COL9A1: variants seen among roughly 807,000 people sequenced by gnomAD.
The protein encoded by COL9A1 is collagen alpha-1(IX) chain.
Under a neutral mutation model 142.6 loss-of-function variants are expected in COL9A1, and 104 were observed. The ratio of observed to expected loss-of-function variants is 0.73; its 90% CI spans 0.62 to 0.86. COL9A1 has a LOEUF of 0.86. Among genes scored for constraint, COL9A1 ranks in the 40% least tolerant of loss-of-function variants. The pLI is 0.00. For synonymous variants in COL9A1, 466 were observed against 396.0 expected, an observed-to-expected ratio of 1.18 and a Z score of -2.10; for missense variants, 1,210 against 1,176.6, an observed-to-expected ratio of 1.03 and a Z score of -0.42.
At chr6:70,293,642 CA>C (rs1773737481) in intron 5 of COL9A1, among the ~76,000 whole-genome samples, 1 of 142,404 alleles carries the variant, frequency 7.0e-6, no homozygotes, top group African/African-American at 2.9e-5. Context: ...CACACACACA[CA>C]CACACACACA....
intron 20 of COL9A1, among the ~76,000 whole-genome samples, chr6:70,259,745 A>T (rs1214722539): frequency 1.3e-5 from 2 of 152,024 alleles, no homozygotes; most frequent in East Asian, 3.9e-4. Context: ...CTAACTACTT[A>T]TTTGTCTTGC....
intron 28 of COL9A1, among the ~76,000 whole-genome samples, chr6:70,244,902 C>A (rs1184165943): frequency 6.6e-6 from 1 of 152,146 alleles, no homozygotes; most frequent in Non-Finnish European, 1.5e-5. Flanking sequence ...GCTCAGAGAC[C>A]CACATACACA....
intron 5 of COL9A1, among the ~76,000 whole-genome samples, chr6:70,290,469 A>C (rs2127603074): frequency 6.6e-6 from 1 of 152,290 alleles, no homozygotes; most frequent in East Asian, 1.9e-4. Context: ...CCCACTAAGT[A>C]ACCATGAATG....
In COL9A1 at chr6:70,254,524, T is replaced by C; in HGVS notation, c.1671A>G (p.Glu557=). Residue 557 remains glutamate, a synonymous_variant, in exon 25 of 38, where the codon GAA becomes GAG. Coordinates refer to ENST00000357250, the MANE Select transcript of COL9A1 (RefSeq NM_001851.6). ...CACCAGGAGGCCCAGGTTTTCCTGG[T>C]TCACCCTGCAAAAAAAGCTTTTATC... The part of the protein sequence containing the change: ...GIPGMPGTKG[E]PGKPGPPGDA... The C allele has an allele frequency of 6.2e-7, 1 of 1,614,068 alleles. No individual in the cohort carries two copies. The highest frequency in any genetic ancestry group is 8.5e-7 in the Non-Finnish European group (1 of 1,179,974).
chr6:70,238,131 G>T (rs1770028966), intron 33 of COL9A1, among the ~76,000 whole-genome samples: 1 of 152,126 alleles, frequency 6.6e-6, no homozygotes, highest in African/African-American at 2.4e-5. Flanking sequence ...ATACACAGTG[G>T]GTTTTATTTT....
In COL9A1 at chr6:70,270,320, TCCTGGGGGG is replaced by T. The variant is rs757163222; in HGVS notation, c.1182_1190del (p.Pro396_Pro398del). On this transcript the variant is annotated inframe_deletion, in exon 15 of 38. Transcript: ENST00000357250. ...CAAGCTGCAAATAACTTACTCTGGG[TCCTGGGGGG>T]CCAGGGGGGCCAGGTGGTCCTCTTC... 11 of 1,613,752 alleles carry T rather than the reference TCCTGGGGGG, an allele frequency of 6.8e-6. No homozygotes were observed. The highest frequency in any genetic ancestry group is 6.7e-5 in the African/African-American group (5 of 74,912).
intron 28 of COL9A1, among the ~76,000 whole-genome samples, chr6:70,246,836 G>T (rs971058455): frequency 2.6e-5 from 4 of 152,170 alleles, no homozygotes; most frequent in Non-Finnish European, 5.9e-5. Flanking sequence ...CCAGTGGCCT[G>T]GTCTGAAGCT....
chr6:70,278,953 G>T (rs1034164954), intron 10 of COL9A1, among the ~76,000 whole-genome samples: 5 of 152,194 alleles, frequency 3.3e-5, no homozygotes, highest in African/African-American at 1.2e-4. Flanking sequence ...TTGGGGGACA[G>T]ATAAGTCCAG....
Position 70,294,167 on chromosome 6 carries a change from T to G in COL9A1, c.696A>C (p.Pro232=). ...CCATAGTGTGTGGTTTTATACTTACTGGAACAGAAACTTGAGGATTATCTG... is the reference window on the plus strand; with the variant it reads ...CCATAGTGTGTGGTTTTATACTTACGGGAACAGAAACTTGAGGATTATCTG... ...KLADNPQVSV[P]FELQWMLIHC... is the part of the protein sequence containing the mutation. The change falls in exon 5 of 38, where the codon CCA becomes CCC. Residue 232 remains proline, a splice_region_variant and synonymous_variant. Coordinates refer to ENST00000357250, the MANE Select transcript of COL9A1 (RefSeq NM_001851.6). The G allele has an allele frequency of 6.2e-7, 1 of 1,614,020 alleles. No homozygotes were observed. The highest frequency in any genetic ancestry group is 8.5e-7 in the Non-Finnish European group (1 of 1,179,894).
At chr6:70,290,899 T>TAA (rs1773634084) in intron 5 of COL9A1, among the ~76,000 whole-genome samples, 1 of 152,160 alleles carries the variant, frequency 6.6e-6, no homozygotes. Context: ...TTATGCTATT[T>TAA]CATTTTCATT....
intron 37 of COL9A1, among the ~76,000 whole-genome samples, chr6:70,221,459 G>A (rs1299296906): frequency 6.6e-6 from 1 of 152,168 alleles, no homozygotes; most frequent in East Asian, 1.9e-4. Context: ...CTGCAGCAAT[G>A]GAAATGGAAA....
At chr6:70,294,032 C>A (rs1463055214) in intron 5 of COL9A1, 135 bp downstream of exon 5, 9 of 1,196,012 alleles carry the variant, frequency 7.5e-6, no homozygotes, top group Non-Finnish European at 1.1e-5. Flanking sequence ...CAGAAGCTAT[C>A]TACTTAACTT....
chr6:70,247,345 C>T lies in COL9A1; in HGVS notation c.1873-4630G>A, dbSNP rs563959292. Among the ~76,000 whole-genome samples the T allele has an allele frequency of 3.3e-5, 5 of 152,242 alleles. No individual in the cohort carries two copies. In the East Asian group the frequency reaches 9.6e-4, roughly 29 times the overall value. On this transcript the variant is annotated intron_variant, in intron 28 of 37. Coordinates refer to ENST00000357250, the MANE Select transcript of COL9A1 (RefSeq NM_001851.6). ...GAACTGTTAGACTTTTAAAAGATCA[C>T]AAAAAATAACAGATTTAACTTAATT...
chr6:70,276,194 G>T (rs1772750786), intron 10 of COL9A1, among the ~76,000 whole-genome samples: 1 of 152,214 alleles, frequency 6.6e-6, no homozygotes, highest in Non-Finnish European at 1.5e-5. Context: ...ACCTCAACAT[G>T]ATTAGTTGCT....
intron 5 of COL9A1, among the ~76,000 whole-genome samples, chr6:70,291,738 C>T (rs572955745): frequency 3.9e-5 from 6 of 152,156 alleles, no homozygotes; most frequent in South Asian, 4.1e-4. Context: ...AAATGCCTTT[C>T]GAAGTAAGAA....
At chr6:70,241,331 A>G in intron 31 of COL9A1, 88 bp downstream of exon 31, 1 of 1,055,096 alleles carries the variant, frequency 9.5e-7, no homozygotes, top group Non-Finnish European at 1.5e-6. Context: ...TGGTTTTATT[A>G]ACCCCCATAA....
chr6:70,283,713 T>A, intron 6 of COL9A1, 24 bp downstream of exon 6: 1 of 1,592,456 alleles, frequency 6.3e-7, no homozygotes, highest in Non-Finnish European at 8.6e-7. Flanking sequence ...AGAAGTGGCC[T>A]TTGCAGGTAG....
At chr6:70,253,249 C>T (rs1771065721) in intron 26 of COL9A1, 136 bp downstream of exon 26, 2 of 622,556 alleles carry the variant, frequency 3.2e-6, no homozygotes, top group Non-Finnish European at 5.7e-6. Flanking sequence ...GAAGCCTTAA[C>T]ACATTTACCT....
Position 70,274,735 on chromosome 6 carries a change from C to T in COL9A1, c.1013G>A (p.Gly338Glu), listed in dbSNP as rs778526641. The change falls in exon 11 of 38, where the codon GGG becomes GAG. Residue 338 changes from glycine (G) to glutamate (E), a missense_variant. By Grantham distance (98) the Gly-to-Glu change is moderately conservative (BLOSUM62 -2). Coordinates refer to ENST00000357250, the MANE Select transcript of COL9A1 (RefSeq NM_001851.6). ...TGPDGSPGSIGSKGQKGEPGV... is the reference protein window; with the variant it reads ...TGPDGSPGSIESKGQKGEPGV... ...CTAACTTACTTTTTGTCCCTTTGAC[C>T]CAATGGAGCCAGGGGATCCATCAGG... The T allele has an allele frequency of 1.9e-6, 3 of 1,612,498 alleles. No individual in the cohort carries two copies. The highest frequency in any genetic ancestry group is 1.7e-4 in the Middle Eastern group (1 of 6,058).
Sources: allele counts gnomAD v4.1 joint callset (sites outside exome capture counted in the v4.1 genomes callset), GRCh38; gene constraint gnomAD v4.1.1; transcripts MANE v1.5; gene names NCBI Gene and HGNC (gene_info 2026-07-23, HGNC 2026-07-21).